CILK1: variants seen among roughly 807,000 people sequenced by gnomAD.
CILK1 encodes ciliogenesis associated kinase 1.
A neutral mutation model predicts 79.2 loss-of-function variants in CILK1; 47 were observed. The ratio of observed to expected loss-of-function variants is 0.59; its 90% CI spans 0.47 to 0.76. CILK1 has a LOEUF of 0.76. Ranked by LOEUF, CILK1 falls within the 30% of genes least tolerant of loss-of-function variation. The probability of loss-of-function intolerance (pLI) is 0.00; values close to 1 mark genes in which losing one functional copy is unlikely to be tolerated. For synonymous variants in CILK1, 266 were observed against 275.9 expected (o/e 0.96, Z 0.36); for missense variants, 660 against 769.5 (o/e 0.86, Z 1.68).
At chr6:53,028,354 C>G (rs1200053299) in intron 5 of CILK1, among the ~76,000 whole-genome samples, 1 of 152,076 alleles carries the variant, frequency 6.6e-6, no homozygotes, top group East Asian at 1.9e-4. Context: ...TTTTCTTCAC[C>G]TCTTATTCTC....
chr6:53,042,028 T>G (rs1004517273), intron 1 of CILK1, among the ~76,000 whole-genome samples: 11 of 152,216 alleles, frequency 7.2e-5, no homozygotes, highest in African/African-American at 2.7e-4. Context: ...AGAAATATGC[T>G]GTAGGAACTT....
chr6:53,022,408 C>T (rs1392411597), intron 5 of CILK1, among the ~76,000 whole-genome samples: 1 of 152,160 alleles, frequency 6.6e-6, no homozygotes, highest in Non-Finnish European at 1.5e-5. Flanking sequence ...TACACAAATA[C>T]TTACCATTGT....
At chr6:53,034,378 G>A (rs1013048057) in intron 3 of CILK1, among the ~76,000 whole-genome samples, 1 of 152,184 alleles carries the variant, frequency 6.6e-6, no homozygotes, top group Non-Finnish European at 1.5e-5. Flanking sequence ...AATTAATTTT[G>A]TGTGGGGGAC....
chr6:53,014,660 A>G (rs979514373), intron 8 of CILK1, among the ~76,000 whole-genome samples: 9 of 152,238 alleles, frequency 5.9e-5, no homozygotes, highest in African/African-American at 2.2e-4. Flanking sequence ...TGGGACAGTT[A>G]TAAACATCTG....
At chr6:53,056,386 G>A (rs955890044) in intron 1 of CILK1, among the ~76,000 whole-genome samples, 2 of 152,136 alleles carry the variant, frequency 1.3e-5, no homozygotes, top group African/African-American at 2.4e-5. Flanking sequence ...CTCCATCTCC[G>A]TCACAACTCC....
At chr6:53,053,044 A>G (rs1353937144) in intron 1 of CILK1, among the ~76,000 whole-genome samples, 3 of 76,862 alleles carry the variant, frequency 3.9e-5, no homozygotes, top group African/African-American at 7.3e-5. Context: ...GTGACAAAGT[A>G]AAAGCCTGAA....
intron 5 of CILK1, among the ~76,000 whole-genome samples, chr6:53,027,691 TA>T (rs1361241105): frequency 1.3e-5 from 2 of 152,206 alleles, no homozygotes; most frequent in Non-Finnish European, 2.9e-5. Context: ...AGACAATTTC[TA>T]AAAATCATTT....
rs1016584244 is a variant in CILK1, at chr6:53,011,979, C to T, written c.1343+58G>A. The T allele has an allele frequency of 5.0e-6, 8 of 1,613,290 alleles. No individual in the cohort carries two copies. In the African/African-American group the frequency reaches 5.3e-5, roughly 11 times the overall value. ...GACAGTATGTATTCTCGGATATGTACCCATAATCTCATGAATTCCAGATTC... is the reference window on the plus strand; with the variant it reads ...GACAGTATGTATTCTCGGATATGTATCCATAATCTCATGAATTCCAGATTC... On this transcript the variant is annotated intron_variant, in intron 10 of 13. Coordinates refer to ENST00000676107, the MANE Select transcript of CILK1 (RefSeq NM_014920.5).
intron 5 of CILK1, among the ~76,000 whole-genome samples, chr6:53,022,231 C>T (rs911736758): frequency 2.3e-4 from 35 of 152,098 alleles, no homozygotes; most frequent in African/African-American, 8.0e-4. Context: ...TTAGTGTATC[C>T]TTGGTGTACA....
chr6:53,023,255 A>G (rs222462), intron 5 of CILK1, among the ~76,000 whole-genome samples: 40,395 of 152,118 alleles, frequency 0.27, 5,752 homozygotes, highest in African/African-American at 0.35. Flanking sequence ...TGAATTAGAC[A>G]GAAGCACTTT....
chr6:53,031,864 G>A (rs160630), intron 4 of CILK1, among the ~76,000 whole-genome samples: 1,520 of 151,804 alleles, frequency 0.01, 17 homozygotes, highest in African/African-American at 0.035. Flanking sequence ...ATGGAGTTTC[G>A]CCGTTGTTGA....
At chr6:53,035,442 AG>A (rs979525530) in intron 3 of CILK1, among the ~76,000 whole-genome samples, 3 of 152,208 alleles carry the variant, frequency 2.0e-5, no homozygotes, top group African/African-American at 7.2e-5. Flanking sequence ...GGCAGAATAT[AG>A]GCAGCCTATG....
chr6:53,054,830 C>T (rs916004101), intron 1 of CILK1: 7 of 152,242 alleles, frequency 4.6e-5, no homozygotes, highest in African/African-American at 1.2e-4. Context: ...CAATTCCCTC[C>T]CCTCAGCGTC....
Position 53,013,817 on chromosome 6 carries a change from T to G in CILK1, c.997A>C (p.Ile333Leu). ...AQPPAKPHTR[I>L]SSRQHQASQP... ...CTGGCTTGATGCTGTCGTGAAGAAATTCGTGTGTGTGGCTTGGCTGGTGGC... is the reference window on the plus strand; with the variant it reads ...CTGGCTTGATGCTGTCGTGAAGAAAGTCGTGTGTGTGGCTTGGCTGGTGGC... Residue 333 changes from isoleucine (I) to leucine (L), a missense_variant, in exon 9 of 14, where the codon ATT becomes CTT. Ile to Leu is a conservative substitution (Grantham distance 5, BLOSUM62 2). Transcript: ENST00000676107. The G allele has an allele frequency of 1.2e-6, 2 of 1,613,750 alleles. No homozygotes were observed. Among genetic ancestry groups the G allele is most frequent in the Non-Finnish European group, 1.7e-6 (2 of 1,179,780 alleles).
At chr6:53,041,093 G>T in intron 2 of CILK1, 43 bp downstream of exon 2, 1 of 1,286,620 alleles carries the variant, frequency 7.8e-7, no homozygotes, top group South Asian at 1.2e-5. Flanking sequence ...GTAATGGTGA[G>T]GGTAGAGTTA....
intron 3 of CILK1, among the ~76,000 whole-genome samples, chr6:53,033,704 A>G (rs1247064140): frequency 6.6e-6 from 1 of 152,222 alleles, no homozygotes; most frequent in African/African-American, 2.4e-5. Flanking sequence ...TTATAAAACA[A>G]AGAAAACATG....
At position 53,006,443 on chromosome 6, in the gene CILK1, T is replaced by C; in HGVS notation, c.1622-6A>G. 1 of 1,613,506 alleles carries C rather than the reference T, an allele frequency of 6.2e-7. No individual in the cohort carries two copies. On this transcript the variant is annotated splice_polypyrimidine_tract_variant and splice_region_variant and intron_variant, in intron 12 of 13. Coordinates refer to ENST00000676107, the MANE Select transcript of CILK1 (RefSeq NM_014920.5). The stretch of plus-strand genomic sequence containing the variant: ...ACTTGTAGAGCTGGAACCAACTGAT[T>C]TGCAAAAGCAAAAAGCTCATTATTA...
chr6:53,029,784 T>C (rs996501349), intron 5 of CILK1, among the ~76,000 whole-genome samples: 3 of 152,206 alleles, frequency 2.0e-5, no homozygotes, highest in Non-Finnish European at 4.4e-5. Context: ...CCCAGTCTCC[T>C]TGAGTAATAA....
At chr6:53,059,124 T>G (rs977227644) in intron 1 of CILK1, among the ~76,000 whole-genome samples, 1 of 152,206 alleles carries the variant, frequency 6.6e-6, no homozygotes, top group African/African-American at 2.4e-5. Context: ...AATTGGACTC[T>G]GTTAAGTTAC....
Sources: gnomAD v4.1 joint callset for allele counts (sites outside exome capture counted in the v4.1 genomes callset) on GRCh38, gnomAD v4.1.1 for gene constraint, MANE v1.5 for transcripts, NCBI Gene and HGNC (gene_info 2026-07-23, HGNC 2026-07-21) for gene names.